Variants in NAALADL2 observed in about 807,000 individuals in gnomAD.
NAALADL2 encodes the protein inactive N-acetylated-alpha-linked acidic dipeptidase-like protein 2.
NAALADL2 carries 76 observed loss-of-function variants against 87.2 expected under a neutral mutation model. The observed-to-expected ratio is 0.87, with a 90% CI of 0.72 to 1.05. The LOEUF is 1.05. Among genes scored for constraint, NAALADL2 ranks in the 50% least tolerant of loss-of-function variants. The pLI, the probability that NAALADL2 is intolerant of heterozygous loss-of-function variation, is 0.00. For synonymous variants in NAALADL2, 354 were observed against 331.0 expected (o/e 1.07, Z -0.75); for missense variants, 1,089 against 945.8 (o/e 1.15, Z -1.99).
chr3:174,881,793 A>G (rs1373974813), intron 1 of NAALADL2, among the ~76,000 whole-genome samples: 1 of 152,150 alleles, frequency 6.6e-6, no homozygotes, highest in Non-Finnish European at 1.5e-5. Flanking sequence ...AACATTCTCT[A>G]GAAATCTGGG....
At chr3:174,996,834 A>T (rs1747528960) in intron 1 of NAALADL2, among the ~76,000 whole-genome samples, 1 of 152,014 alleles carries the variant, frequency 6.6e-6, no homozygotes, top group Admixed American at 6.6e-5. Flanking sequence ...TGTTATTCTT[A>T]TGCCTTTGTG....
At chr3:175,544,745 G>A (rs1297816847) in intron 9 of NAALADL2, among the ~76,000 whole-genome samples, 1 of 151,956 alleles carries the variant, frequency 6.6e-6, no homozygotes, top group African/African-American at 2.4e-5. Context: ...TACCGTCTAA[G>A]CCCTTTTATA....
At chr3:174,760,873 T>A (rs1379891609) in intron 3 of NAALADL2, among the ~76,000 whole-genome samples, 1 of 152,260 alleles carries the variant, frequency 6.6e-6, no homozygotes, top group Non-Finnish European at 1.5e-5. Flanking sequence ...TACTTCCAAC[T>A]TTTATTCTTT....
At chr3:175,180,166 T>A (rs1736254734) in intron 2 of NAALADL2, among the ~76,000 whole-genome samples, 1 of 151,954 alleles carries the variant, frequency 6.6e-6, no homozygotes, top group South Asian at 2.1e-4. Flanking sequence ...TTTAGATAAC[T>A]GAATTCGGTT....
At chr3:174,787,603 A>ATATATACATATATATATATATACAC (rs1716927088) in intron 3 of NAALADL2, among the ~76,000 whole-genome samples, 1 of 99,480 alleles carries the variant, frequency 1.0e-5, no homozygotes, top group African/African-American at 3.3e-5. Flanking sequence ...ATATATATAT[A>ATATATACATATATATATATATACAC]TATATATATA....
chr3:174,600,428 A>G (rs1452336080), intron 2 of NAALADL2, among the ~76,000 whole-genome samples: 2 of 152,136 alleles, frequency 1.3e-5, no homozygotes, highest in Non-Finnish European at 2.9e-5. Flanking sequence ...ATATATGGCT[A>G]TATGGTTTTC....
rs1744631123 is a variant in NAALADL2 at position 175,737,325 on chromosome 3, T to C, written c.1916T>C (p.Leu639Ser). The C allele has an allele frequency of 6.2e-7, 1 of 1,609,814 alleles. No individual in the cohort carries two copies. The change falls in exon 12 of 14, where the codon TTG (leucine) becomes TCG (serine). Residue 639 changes from leucine to serine, a missense_variant. Physicochemically the swap from Leu to Ser is moderately radical, Grantham distance 145. Transcript: ENST00000454872. ...TITKLSGEVI[L>S]QIANEPVLPF... is the part of the protein sequence containing the mutation. ...TTTCAGCTCTCAGGAGAAGTGATTT[T>C]GCAAATTGCCAACGAACCTGTTCTG...
At chr3:175,238,459 AAATT>A (rs1746291267) in intron 3 of NAALADL2, among the ~76,000 whole-genome samples, 1 of 152,174 alleles carries the variant, frequency 6.6e-6, no homozygotes, top group South Asian at 2.1e-4. Context: ...ATAATTTGAG[AAATT>A]AATTATGCAA....
chr3:175,549,368 C>T (rs1713954591), intron 9 of NAALADL2, among the ~76,000 whole-genome samples: 1 of 151,982 alleles, frequency 6.6e-6, no homozygotes, highest in South Asian at 2.1e-4. Context: ...TGTGCACTCT[C>T]TGAATGTTAA....
intron 1 of NAALADL2, among the ~76,000 whole-genome samples, chr3:174,446,079 C>G (rs1263843342): frequency 6.6e-6 from 1 of 152,140 alleles, no homozygotes; most frequent in Non-Finnish European, 1.5e-5. Context: ...GGTGATTTAT[C>G]TTGCCCAGAA....
upstream of NAALADL2, among the ~76,000 whole-genome samples, chr3:174,856,978 A>G (rs557897358): frequency 5.3e-5 from 8 of 151,886 alleles, no homozygotes; most frequent in East Asian, 1.5e-3. Flanking sequence ...TCAAGCATTC[A>G]CTAAGGGTCT....
intron 1 of NAALADL2, 85 bp from the exon 2 acceptor site, chr3:175,096,705 T>C: frequency 1.2e-6 from 1 of 807,128 alleles, no homozygotes; most frequent in Non-Finnish European, 1.8e-6. Context: ...AAACACTCAA[T>C]ATGGCTTACT....
At chr3:175,467,491 C>T (rs756133359) in intron 8 of NAALADL2, among the ~76,000 whole-genome samples, 11 of 151,832 alleles carry the variant, frequency 7.2e-5, no homozygotes, top group Admixed American at 1.3e-4. Context: ...AGGCACTGGA[C>T]AAAAAAGGAT....
chr3:174,449,250 A>G (rs964238019), intron 1 of NAALADL2, among the ~76,000 whole-genome samples: 1 of 152,182 alleles, frequency 6.6e-6, no homozygotes, highest in Admixed American at 6.5e-5. Context: ...TGGTGGAGCA[A>G]ATAGAGGGGT....
chr3:174,925,430 ATC>A (rs1735868245), intron 1 of NAALADL2, among the ~76,000 whole-genome samples: 1 of 152,104 alleles, frequency 6.6e-6, no homozygotes, highest in African/African-American at 2.4e-5. Context: ...ACTGGTCTAT[ATC>A]TCTGTTTTGG....
chr3:175,772,628 G>A (rs2150183230), intron 13 of NAALADL2, among the ~76,000 whole-genome samples: 1 of 152,234 alleles, frequency 6.6e-6, no homozygotes, highest in Middle Eastern at 3.4e-3. Context: ...TTCCTCATAG[G>A]TCTGGGGTCC....
chr3:175,396,239 C>T (rs1049652359), intron 5 of NAALADL2, among the ~76,000 whole-genome samples: 1 of 152,094 alleles, frequency 6.6e-6, no homozygotes, highest in African/African-American at 2.4e-5. Context: ...TCATGAGCTT[C>T]ATACAAAGTA....
At position 175,627,381 on chromosome 3, in the gene NAALADL2, A is replaced by T. The variant is rs775529401; in HGVS notation, c.1891A>T (p.Thr631Ser). 3 of 1,546,652 alleles carry T rather than the reference A, an allele frequency of 1.9e-6. No individual in the cohort carries two copies. Among genetic ancestry groups the T allele is most frequent in the Non-Finnish European group, 2.6e-6 (3 of 1,140,042 alleles). ...CTCTTTCAACCTTCATGAAACCATT[A>T]CTAAGGTAGGGGAGAAATGCATTCA... ...DPSFNLHETI[T>S]KLSGEVILQI... is the part of the protein sequence containing the mutation. Residue 631 changes from threonine (T) to serine (S), a missense_variant, in exon 11 of 14, where the codon ACT (threonine) becomes TCT (serine). Coordinates refer to ENST00000454872, the MANE Select transcript of NAALADL2 (RefSeq NM_207015.3).
Position 175,423,213 on chromosome 3 carries a change from C to CT in NAALADL2, c.1091-24006dup, listed in dbSNP as rs1271917270. 3.2e-3 allele frequency among the ~76,000 whole-genome samples: 395 copies of CT among 124,802 alleles called. 2 individuals carry two copies. Among genetic ancestry groups the CT allele is most frequent in the South Asian group, 0.012 (48 of 3,880 alleles). 81.9% of individuals were successfully genotyped at this position (124,802 alleles called of 152,430 possible). A position where few individuals can be genotyped will look rare whatever the true frequency, so the allele number is the denominator to read the frequency against. The stretch of plus-strand genomic sequence containing the variant: ...TTTGCACAAAGAAGAATTTATTTTT[C>CT]TTTTTTTTTTCTTTTTTTTTTTTCG... On this transcript the variant is annotated intron_variant, in intron 5 of 13. Transcript: ENST00000454872.
Sources: gnomAD v4.1 joint callset for allele counts (sites outside exome capture counted in the v4.1 genomes callset) on GRCh38, gnomAD v4.1.1 for gene constraint, MANE v1.5 for transcripts, NCBI Gene and HGNC (gene_info 2026-07-23, HGNC 2026-07-21) for gene names.